Variants in SNURF observed in about 807,000 individuals in gnomAD.
SNURF encodes the protein SNURF protein.
Under a neutral mutation model 11.6 loss-of-function variants are expected in SNURF, and 6 were observed. The ratio of observed to expected loss-of-function variants is 0.52; its 90% CI spans 0.28 to 1.02. The LOEUF is 1.02. Among genes scored for constraint, SNURF ranks in the 50% least tolerant of loss-of-function variants. The pLI is 0.09. For missense variants in SNURF, 84 were observed against 88.4 expected (o/e 0.95, Z 0.20); for synonymous variants, 29 against 31.6 (o/e 0.92, Z 0.27).
exon 6 of SNURF, chr15:24,976,892 G>C (rs1288946607): frequency 2.5e-6 from 4 of 1,608,042 alleles, no homozygotes. Flanking sequence ...CATTGCTCGG[G>C]TACCACTTGC....
At chr15:24,967,808 G>GAAA (rs35146696) in intron 2 of SNURF, 124 bp from the exon 3 acceptor site, 308 of 491,310 alleles carry the variant, frequency 6.3e-4, no homozygotes, top group Non-Finnish European at 7.4e-4. Flanking sequence ...ACCCTGTCTG[G>GAAA]AAAAAAAAAA....
intron 2 of SNURF, chr15:24,966,909 A>G (rs529928745): frequency 2.0e-5 from 3 of 152,222 alleles, no homozygotes; most frequent in African/African-American, 7.2e-5. Flanking sequence ...TTTCACAGCC[A>G]GGTTACTGAT....
At chr15:24,973,754 T>C (rs368699126), downstream of SNURF, among the ~76,000 whole-genome samples, 1 of 152,214 alleles carries the variant, frequency 6.6e-6, no homozygotes, top group Non-Finnish European at 1.5e-5. Context: ...AAGTTGTTTA[T>C]GTGAGTCTAT....
chr15:24,965,222 T>C (rs1057040618), intron 2 of SNURF, among the ~76,000 whole-genome samples: 8 of 152,094 alleles, frequency 5.3e-5, no homozygotes, highest in African/African-American at 1.7e-4. Flanking sequence ...CTGGAGGAGT[T>C]GTGTGGTTAT....
exon 1 of SNURF, chr15:24,955,036 G>A (rs756341117): frequency 7.4e-6 from 12 of 1,612,992 alleles, no homozygotes; most frequent in South Asian, 1.1e-5. Context: ...TCTGAGGAGC[G>A]GTCAGTGACG....
chr15:24,962,274 T>C, intron 2 of SNURF, 65 bp downstream of exon 2: 1 of 1,278,376 alleles, frequency 7.8e-7, no homozygotes, highest in Non-Finnish European at 1.1e-6. Context: ...GAACAAAATA[T>C]CATGCAATGA....
intron 3 of SNURF, chr15:24,974,536 T>C (rs2076839465): frequency 1.5e-6 from 2 of 1,342,886 alleles, no homozygotes; most frequent in African/African-American, 1.4e-5. Context: ...TGCAGTGATC[T>C]TGGGTTCTGA....
chr15:24,959,741 T>C (rs2074463077), intron 1 of SNURF, among the ~76,000 whole-genome samples: 1 of 152,196 alleles, frequency 6.6e-6, no homozygotes, highest in Admixed American at 6.5e-5. Flanking sequence ...TGAAAGACAT[T>C]CGTTTGGATA....
At chr15:24,971,524 T>C (rs2076403110), downstream of SNURF, among the ~76,000 whole-genome samples, 1 of 151,496 alleles carries the variant, frequency 6.6e-6, no homozygotes, top group South Asian at 2.1e-4. Flanking sequence ...CTATACAGGT[T>C]ATTATTATAT....
At chr15:24,962,360 T>C (rs1343304297) in intron 2 of SNURF, 151 bp downstream of exon 2, 6 of 718,984 alleles carry the variant, frequency 8.3e-6, no homozygotes, top group Non-Finnish European at 1.2e-5. Context: ...AATGAAATTC[T>C]TAACCATATT....
chr15:24,976,951 A>T, exon 6 of SNURF: 1 of 1,607,206 alleles, frequency 6.2e-7, no homozygotes, highest in Non-Finnish European at 8.5e-7. Context: ...GTAGAGGAGT[A>T]CCAGCTGGTG....
chr15:24,977,119 T>TGTGTAA, intron 6 of SNURF: 2 of 1,053,050 alleles, frequency 1.9e-6, no homozygotes, highest in Non-Finnish European at 1.3e-6. Flanking sequence ...GTATGTGTCA[T>TGTGTAA]ACAATGTAAA....
intron 2 of SNURF, among the ~76,000 whole-genome samples, chr15:24,965,643 A>G (rs2075505279): frequency 1.3e-5 from 2 of 152,324 alleles, no homozygotes; most frequent in South Asian, 2.1e-4. Context: ...TGGATGATGT[A>G]TCGTGAGTTC....
At chr15:24,968,890 A>G (rs2076036375), downstream of SNURF, 1 of 152,160 alleles carries the variant, frequency 6.6e-6, no homozygotes, top group Non-Finnish European at 1.5e-5. Flanking sequence ...AAAAGTTATT[A>G]CAAAGTCGAT....
chr15:24,976,161 G>C, intron 4 of SNURF: 1 of 665,616 alleles, frequency 1.5e-6, no homozygotes, highest in South Asian at 1.8e-5. Context: ...TGTGTTTACA[G>C]ATATTTTTTG....
chr15:24,963,046 A>G (rs1027251438), intron 2 of SNURF, among the ~76,000 whole-genome samples: 6 of 152,184 alleles, frequency 3.9e-5, no homozygotes, highest in African/African-American at 1.4e-4. Flanking sequence ...TTAAGTAAAT[A>G]GCCATCAGAC....
At chr15:24,955,946 GGCAGTA>G (rs1316794668) in intron 1 of SNURF, among the ~76,000 whole-genome samples, 2 of 150,866 alleles carry the variant, frequency 1.3e-5, no homozygotes, top group Admixed American at 6.6e-5. Flanking sequence ...CATCAGAAGG[GGCAGTA>G]GCACAGTCCG....
chr15:24,977,767 T>C (rs1221693415), intron 6 of SNURF: 2 of 1,584,740 alleles, frequency 1.3e-6, no homozygotes, highest in East Asian at 2.3e-5. Flanking sequence ...TTTCCCGCCC[T>C]GCCTTCTCAG....
chr15:24,957,098 C>T (rs1198077339), intron 1 of SNURF, among the ~76,000 whole-genome samples: 1 of 151,988 alleles, frequency 6.6e-6, no homozygotes, highest in East Asian at 1.9e-4. Flanking sequence ...TTTTTTAACT[C>T]CCTGTAGTCT....
Sources: gnomAD v4.1 joint callset for allele counts (sites outside exome capture counted in the v4.1 genomes callset) on GRCh38, gnomAD v4.1.1 for gene constraint, MANE v1.5 for transcripts, NCBI Gene and HGNC (gene_info 2026-07-23, HGNC 2026-07-21) for gene names.